PODXL: variants seen among roughly 807,000 people sequenced by gnomAD.
PODXL encodes the protein podocalyxin like, also known as podocalyxin.
In PODXL, 20 loss-of-function variants were observed where a neutral mutation model predicts 48.9. The observed-to-expected ratio is 0.41, with a 90% confidence interval of 0.29 to 0.59. The LOEUF is 0.59. Among genes scored for constraint, PODXL ranks in the 20% least tolerant of loss-of-function variants. The pLI is 0.31. For missense variants in PODXL, 606 were observed against 675.1 expected, an observed-to-expected ratio of 0.90 and a Z score of 1.13; for synonymous variants, 295 against 287.4, an observed-to-expected ratio of 1.03 and a Z score of -0.27.
At chr7:131,545,490 T>C (rs951461363) in intron 1 of PODXL, among the ~76,000 whole-genome samples, 32 of 152,336 alleles carry the variant, frequency 2.1e-4, no homozygotes, top group African/African-American at 6.7e-4. Context: ...CTGGGACAGT[T>C]GGTCACTCTA....
chr7:131,502,372 C>G lies in PODXL; in HGVS notation c.*1939G>C, dbSNP rs1797721035. On this transcript the variant is annotated 3_prime_UTR_variant, in exon 9 of 9. Coordinates refer to ENST00000378555, the MANE Select transcript of PODXL (RefSeq NM_001018111.3). ...TTTTTGGAACTTGTTAGCCTCGCAT[C>G]CCTCTAACTCCTGGGAAACTCGCTG... 6.6e-6 allele frequency: 1 copy of G among 152,242 alleles called. No individual in the cohort carries two copies. Among genetic ancestry groups the G allele is most frequent in the African/African-American group, 2.4e-5 (1 of 41,444 alleles). The allele number at this position is 152,242 out of a possible 1,614,324, so 9.4% of individuals were successfully genotyped here. A position where few individuals can be genotyped will look rare whatever the true frequency, so the allele number is the denominator to read the frequency against.
At chr7:131,521,721 G>A (rs1798094762) in intron 1 of PODXL, among the ~76,000 whole-genome samples, 1 of 152,174 alleles carries the variant, frequency 6.6e-6, no homozygotes. Flanking sequence ...GGCATTGTAA[G>A]GTCCACAACA....
chr7:131,517,841 C>T, intron 1 of PODXL, among the ~76,000 whole-genome samples: 1 of 152,052 alleles, frequency 6.6e-6, no homozygotes, highest in East Asian at 1.9e-4. Flanking sequence ...TGGGTTCAAG[C>T]AATTCTCCTG....
At chr7:131,536,120 C>G (rs1034208613) in intron 1 of PODXL, among the ~76,000 whole-genome samples, 4 of 152,164 alleles carry the variant, frequency 2.6e-5, no homozygotes, top group African/African-American at 7.2e-5. Flanking sequence ...AAGAGCCTGA[C>G]AAGTGTCACT....
intron 1 of PODXL, among the ~76,000 whole-genome samples, chr7:131,526,197 A>G (rs1798182494): frequency 9.7e-6 from 1 of 103,116 alleles, no homozygotes; most frequent in African/African-American, 3.5e-5. Flanking sequence ...GTCAGAAAAT[A>G]AAGAAGTGCT....
Position 131,501,107 on chromosome 7 carries a change from A to C in PODXL, c.*3204T>G, listed in dbSNP as rs1353304008. ...GGGCAGGGTTGCATTTTAAAATTAA[A>C]AAAACAAAACAAAACACCTGATCTA... On this transcript the variant is annotated 3_prime_UTR_variant, in exon 9 of 9. Coordinates refer to ENST00000378555, the MANE Select transcript of PODXL (RefSeq NM_001018111.3). The C allele has an allele frequency of 2.0e-5, 3 of 152,624 alleles. No individual in the cohort carries two copies. The highest frequency in any genetic ancestry group is 4.4e-5 in the Non-Finnish European group (3 of 68,036). 9.5% of individuals were successfully genotyped at this position (152,624 alleles called of 1,614,324 possible). A position where few individuals can be genotyped will look rare whatever the true frequency, so the allele number is the denominator to read the frequency against.
intron 1 of PODXL, among the ~76,000 whole-genome samples, chr7:131,524,629 A>G (rs1304811658): frequency 1.3e-5 from 2 of 152,192 alleles, no homozygotes; most frequent in Non-Finnish European, 2.9e-5. Flanking sequence ...AATGCTAAAC[A>G]GGATCTCTCA....
chr7:131,523,469 T>G (rs961100303), intron 1 of PODXL, among the ~76,000 whole-genome samples: 4 of 151,636 alleles, frequency 2.6e-5, no homozygotes, highest in African/African-American at 4.8e-5. Context: ...GATCACGAGG[T>G]CAGGAGATCG....
Position 131,510,930 on chromosome 7 carries a change from T to C in PODXL, c.604A>G (p.Thr202Ala). ...ATAAGATGGTCATGTCCCGAGCTTG[T>C]TGGGGTGGCCACAGGATGCGTCGAA... is the stretch of plus-strand genomic sequence containing the variant. ...PTSTHPVATP[T>A]SSGHDHLMKI... is the part of the protein sequence containing the mutation. The change falls in exon 2 of 9, where the codon ACA (threonine) becomes GCA (alanine). Residue 202 changes from threonine to alanine, a missense_variant. Thr to Ala is a moderately conservative substitution (Grantham distance 58). Transcript: ENST00000378555. The C allele has an allele frequency of 6.2e-7, 1 of 1,614,158 alleles. No individual in the cohort carries two copies. The highest frequency in any genetic ancestry group is 1.1e-5 in the South Asian group (1 of 91,072).
Position 131,503,179 on chromosome 7 carries a change from T to C in PODXL, c.*1132A>G, listed in dbSNP as rs1385690053. On this transcript the variant is annotated 3_prime_UTR_variant, in exon 9 of 9. Transcript: ENST00000378555. Reference sequence around the variant, plus strand: ...TGAAATGTCCCTGAGTTTCCTATGATATACAGGGGAAAGCCTGTCCTTCCT... The same window carrying C: ...TGAAATGTCCCTGAGTTTCCTATGACATACAGGGGAAAGCCTGTCCTTCCT... The C allele has an allele frequency of 6.6e-6, 1 of 152,648 alleles. No homozygotes were observed. Among genetic ancestry groups the C allele is most frequent in the Non-Finnish European group, 1.5e-5 (1 of 68,058 alleles). The allele number at this position is 152,648 out of a possible 1,614,324, so 9.5% of individuals were successfully genotyped here.
At chr7:131,519,363 GCCGCGCT>G (rs2116809908) in intron 1 of PODXL, among the ~76,000 whole-genome samples, 1 of 152,226 alleles carries the variant, frequency 6.6e-6, no homozygotes, top group African/African-American at 2.4e-5. Flanking sequence ...GAGGGTGTGA[GCCGCGCT>G]CCAATTTCCA....
In PODXL at chr7:131,511,257, T is replaced by C; in HGVS notation, c.277A>G (p.Thr93Ala). Residue 93 changes from threonine to alanine, a missense_variant, in exon 2 of 9, where the codon ACA (threonine) becomes GCA (alanine). Physicochemically the swap from Thr to Ala is moderately conservative, Grantham distance 58. Transcript: ENST00000378555. ...LGVSSDSPGTTTLAQQVSGPV... is the reference protein window; with the variant it reads ...LGVSSDSPGTATLAQQVSGPV... ...CCTGAGACTTGCTGAGCCAGGGTTG[T>C]AGTCCCCGGTGAGTCACTGGATACA... 2 of 1,614,126 alleles carry C rather than the reference T, an allele frequency of 1.2e-6. No individual in the cohort carries two copies. Among genetic ancestry groups the C allele is most frequent in the Non-Finnish European group, 1.7e-6 (2 of 1,180,008 alleles).
intron 1 of PODXL, among the ~76,000 whole-genome samples, chr7:131,540,026 A>G (rs1308653446): frequency 1.3e-5 from 2 of 152,114 alleles, no homozygotes; most frequent in Non-Finnish European, 2.9e-5. Context: ...CTCTGAGGAC[A>G]CACCTTTAGT....
rs1435741935 is a variant in PODXL at position 131,501,111 on chromosome 7, AC to A, written c.*3199del. 1 of 152,588 alleles carries A rather than the reference AC, an allele frequency of 6.6e-6. No homozygotes were observed. The highest frequency in any genetic ancestry group is 2.4e-5 in the African/African-American group (1 of 41,440). The allele number at this position is 152,588 out of a possible 1,614,324, so 9.5% of individuals were successfully genotyped here. ...AGGGTTGCATTTTAAAATTAAAAAA[AC>A]AAAACAAAACACCTGATCTACAAGA... is the stretch of plus-strand genomic sequence containing the variant. On this transcript the variant is annotated 3_prime_UTR_variant, in exon 9 of 9. Coordinates refer to ENST00000378555, the MANE Select transcript of PODXL (RefSeq NM_001018111.3).
intron 1 of PODXL, among the ~76,000 whole-genome samples, chr7:131,518,323 A>G (rs1299029951): frequency 6.6e-6 from 1 of 152,250 alleles, no homozygotes; most frequent in African/African-American, 2.4e-5. Flanking sequence ...AATGTATTAA[A>G]AAGATAATGC....
chr7:131,534,796 TC>T (rs1798343306), intron 1 of PODXL, among the ~76,000 whole-genome samples: 1 of 152,128 alleles, frequency 6.6e-6, no homozygotes, highest in African/African-American at 2.4e-5. Context: ...ACACCTGAAA[TC>T]CCAGCACTTT....
chr7:131,510,228 G>C lies in PODXL; in HGVS notation c.802+8C>G. The C allele has an allele frequency of 2.2e-6, 1 of 447,018 alleles. No individual in the cohort carries two copies. The highest frequency in any genetic ancestry group is 4.5e-6 in the Non-Finnish European group (1 of 223,622). The allele number at this position is 447,018 out of a possible 1,614,324, so 27.7% of individuals were successfully genotyped here. On this transcript the variant is annotated splice_region_variant and intron_variant, in intron 3 of 8. Coordinates refer to ENST00000378555, the MANE Select transcript of PODXL (RefSeq NM_001018111.3). ...AAACAGGTATCGGCCGGGCATGGTG[G>C]CTCATACCTGTAATCCCAGCACTTT...
intron 1 of PODXL, among the ~76,000 whole-genome samples, chr7:131,543,593 T>C (rs543832351): frequency 6.6e-6 from 1 of 152,212 alleles, no homozygotes; most frequent in Admixed American, 6.5e-5. Context: ...TTCTTTGGCA[T>C]CTAAGAACCA....
At chr7:131,531,717 T>C (rs1798283057) in intron 1 of PODXL, among the ~76,000 whole-genome samples, 1 of 152,162 alleles carries the variant, frequency 6.6e-6, no homozygotes, top group Non-Finnish European at 1.5e-5. Flanking sequence ...ATGAGGACAC[T>C]TGTCATTGGA....
Sources: allele counts gnomAD v4.1 joint callset (sites outside exome capture counted in the v4.1 genomes callset), GRCh38; gene constraint gnomAD v4.1.1; transcripts MANE v1.5; gene names NCBI Gene and HGNC (gene_info 2026-07-23, HGNC 2026-07-21).